GABRA4: variants seen among roughly 807,000 people sequenced by gnomAD.
GABRA4 encodes gamma-aminobutyric acid receptor subunit alpha-4.
Under a neutral mutation model 49.7 loss-of-function variants are expected in GABRA4, and 12 were observed. The ratio of observed to expected loss-of-function variants is 0.24; its 90% CI spans 0.15 to 0.39. The LOEUF is 0.39. GABRA4 is among the 10% of genes least tolerant of loss of function. The pLI is 1.00. For missense variants in GABRA4, 506 were observed against 686.0 expected (o/e 0.74, Z 2.93); for synonymous variants, 288 against 240.2 (o/e 1.20, Z -1.84).
At position 46,927,280 on chromosome 4, in the gene GABRA4, T is replaced by C. The variant is rs1560459284; in HGVS notation, c.*945A>G. On this transcript the variant is annotated 3_prime_UTR_variant, in exon 9 of 9. Coordinates refer to ENST00000264318, the MANE Select transcript of GABRA4 (RefSeq NM_000809.4). ...AGTTGTACTGACATCAAAGTGGTTATGTGAACAAATATATTTGTTATCCAC... is the reference window on the plus strand; with the variant it reads ...AGTTGTACTGACATCAAAGTGGTTACGTGAACAAATATATTTGTTATCCAC... 1 of 152,508 alleles carries C rather than the reference T, an allele frequency of 6.6e-6. No individual in the cohort carries two copies. Among genetic ancestry groups the C allele is most frequent in the Non-Finnish European group, 1.5e-5 (1 of 67,976 alleles). 9.4% of individuals were successfully genotyped at this position (152,508 alleles called of 1,614,324 possible).
At chr4:46,931,083 A>T (rs1721417131) in intron 8 of GABRA4, among the ~76,000 whole-genome samples, 1 of 152,084 alleles carries the variant, frequency 6.6e-6, no homozygotes, top group Non-Finnish European at 1.5e-5. Context: ...AACTCCAAAG[A>T]TCTAAAGAGA....
intron 2 of GABRA4, among the ~76,000 whole-genome samples, chr4:46,986,952 T>C (rs1276528625): frequency 6.6e-6 from 1 of 152,170 alleles, no homozygotes; most frequent in Non-Finnish European, 1.5e-5. Context: ...GCTACCAGCT[T>C]GGTCAAAGTA....
At chr4:46,974,911 G>A (rs1195390284) in intron 5 of GABRA4, among the ~76,000 whole-genome samples, 1 of 151,916 alleles carries the variant, frequency 6.6e-6, no homozygotes, top group African/African-American at 2.4e-5. Context: ...CACTGTGTTT[G>A]GGGACCATTG....
intron 8 of GABRA4, among the ~76,000 whole-genome samples, chr4:46,946,361 T>C (rs1721983543): frequency 6.6e-6 from 1 of 152,118 alleles, no homozygotes; most frequent in Non-Finnish European, 1.5e-5. Flanking sequence ...CGTGAGTCAC[T>C]ATTATAAATA....
At chr4:46,940,459 G>A (rs1721751017) in intron 8 of GABRA4, among the ~76,000 whole-genome samples, 1 of 152,194 alleles carries the variant, frequency 6.6e-6, no homozygotes, top group South Asian at 2.1e-4. Flanking sequence ...TAAAGAAACT[G>A]TGTGTACACA....
At chr4:46,951,661 T>G (rs1016073402) in intron 8 of GABRA4, among the ~76,000 whole-genome samples, 10 of 151,946 alleles carry the variant, frequency 6.6e-5, no homozygotes, top group Admixed American at 6.6e-5. Flanking sequence ...CGGTGGGGCT[T>G]CTTCTTCCTC....
In GABRA4 at chr4:46,944,968, C is replaced by T. The variant is rs78702946; in HGVS notation, c.1135-16213G>A. Among the ~76,000 whole-genome samples the T allele has an allele frequency of 7.2e-5, 11 of 151,978 alleles. No individual in the cohort carries two copies. In the East Asian group the frequency reaches 1.2e-3, roughly 16 times the overall value. On this transcript the variant is annotated intron_variant, in intron 8 of 8. Transcript: ENST00000264318. ...TCAATGAAAGTAAGTCAAATGAATT[C>T]GATGAAAAATAAATGATGAGTAAAC...
intron 1 of GABRA4, 77 bp downstream of exon 1, chr4:46,993,262 G>T: frequency 8.1e-7 from 1 of 1,227,438 alleles, no homozygotes; most frequent in South Asian, 1.2e-5. Context: ...AGGGAGGAGC[G>T]AGTGGCCAAA....
chr4:46,978,754 A>G (rs1723243226), intron 3 of GABRA4, among the ~76,000 whole-genome samples: 1 of 151,816 alleles, frequency 6.6e-6, no homozygotes, highest in Non-Finnish European at 1.5e-5. Flanking sequence ...AGGAAAGCAA[A>G]AAAGCTGCAC....
At chr4:46,967,223 T>A (rs988610079) in intron 7 of GABRA4, among the ~76,000 whole-genome samples, 1 of 151,618 alleles carries the variant, frequency 6.6e-6, no homozygotes, top group African/African-American at 2.4e-5. Context: ...TAGAATAAAA[T>A]ATGAACAGTG....
intron 8 of GABRA4, among the ~76,000 whole-genome samples, chr4:46,951,202 A>C (rs182613634): frequency 1.3e-5 from 2 of 151,952 alleles, no homozygotes; most frequent in Admixed American, 1.3e-4. Flanking sequence ...ACCCTCAAAA[A>C]GCTAATTAAC....
intron 8 of GABRA4, among the ~76,000 whole-genome samples, chr4:46,940,796 T>C (rs930178024): frequency 6.6e-6 from 1 of 151,986 alleles, no homozygotes; most frequent in Non-Finnish European, 1.5e-5. Flanking sequence ...ATTTAACTTG[T>C]CCTGAAGAGT....
intron 8 of GABRA4, among the ~76,000 whole-genome samples, chr4:46,939,434 T>C (rs943093136): frequency 6.6e-5 from 10 of 151,962 alleles, no homozygotes; most frequent in Non-Finnish European, 1.3e-4. Flanking sequence ...CAACAACCCA[T>C]GAGATAGTAC....
chr4:46,992,577 C>A (rs552207240), intron 2 of GABRA4: 2 of 500,252 alleles, frequency 4.0e-6, no homozygotes, highest in Non-Finnish European at 7.2e-6. Context: ...ACCTCCCCCA[C>A]CCAGCAGTCA....
intron 8 of GABRA4, among the ~76,000 whole-genome samples, chr4:46,942,463 A>T (rs1207848349): frequency 2.0e-5 from 3 of 151,888 alleles, no homozygotes; most frequent in African/African-American, 7.3e-5. Context: ...CTACTAAAAA[A>T]TATATACAAA....
At chr4:46,987,601 T>A (rs1192669173) in intron 2 of GABRA4, among the ~76,000 whole-genome samples, 1 of 152,084 alleles carries the variant, frequency 6.6e-6, no homozygotes, top group Non-Finnish European at 1.5e-5. Flanking sequence ...TCTTTTTTTT[T>A]AACATCCATA....
rs1278975876 is a variant in GABRA4, at chr4:46,948,326, T to A, written c.1134+16644A>T. 5.3e-5 allele frequency among the ~76,000 whole-genome samples: 8 copies of A among 152,136 alleles called. No individual in the cohort carries two copies. In the South Asian group the frequency reaches 1.2e-3, roughly 24 times the overall value. ...TTAAACTTTATCATAAATAAAGAGA[T>A]CCTCTGCCAGAAAAGAGGATATTAA... On this transcript the variant is annotated intron_variant, in intron 8 of 8. Coordinates refer to ENST00000264318, the MANE Select transcript of GABRA4 (RefSeq NM_000809.4).
chr4:46,959,773 A>AAAAAG (rs1553904329), intron 8 of GABRA4, among the ~76,000 whole-genome samples: 2 of 147,818 alleles, frequency 1.4e-5, no homozygotes, highest in African/African-American at 5.0e-5. Context: ...AAAAAAAAAA[A>AAAAAG]AAAGAAAAGA....
At chr4:46,978,415 C>A (rs532985148) in intron 3 of GABRA4, among the ~76,000 whole-genome samples, 1 of 151,978 alleles carries the variant, frequency 6.6e-6, no homozygotes, top group Non-Finnish European at 1.5e-5. Context: ...CAGCCGGGCA[C>A]GGTGGCTCAT....
Sources: gnomAD v4.1 joint callset for allele counts (sites outside exome capture counted in the v4.1 genomes callset) on GRCh38, gnomAD v4.1.1 for gene constraint, MANE v1.5 for transcripts, NCBI Gene and HGNC (gene_info 2026-07-23, HGNC 2026-07-21) for gene names.